The following CSMD3 variants were observed in gnomAD, a reference collection of about 807,000 sequenced individuals.
CSMD3 encodes CUB and Sushi multiple domains 3.
A neutral mutation model predicts 435.2 loss-of-function variants in CSMD3; 177 were observed. The ratio of observed to expected loss-of-function variants is 0.41; its 90% CI spans 0.36 to 0.46. The LOEUF (loss-of-function observed/expected upper bound fraction) is 0.46. Ranked by LOEUF, CSMD3 falls within the 20% of genes least tolerant of loss-of-function variation. CSMD3 has a pLI of 0.34. For missense variants in CSMD3, 4,265 were observed against 4,504.6 expected (o/e 0.95, Z 1.52); for synonymous variants, 1,656 against 1,520.5 (o/e 1.09, Z -2.07).
At chr8:112,781,583 C>T (rs1305964188) in intron 13 of CSMD3, among the ~76,000 whole-genome samples, 4 of 152,144 alleles carry the variant, frequency 2.6e-5, no homozygotes, top group Non-Finnish European at 2.9e-5. Flanking sequence ...GAATAAACAC[C>T]AGCAGTAGAC....
At chr8:112,755,909 GTTTTATTTTATTTTATTTTA>G (rs139913436) in intron 13 of CSMD3, among the ~76,000 whole-genome samples, 1 of 149,036 alleles carries the variant, frequency 6.7e-6, no homozygotes, top group African/African-American at 2.5e-5. Context: ...ATTTTATTTA[GTTTTATTTTATTTTATTTTA>G]TTTTATTTTA....
chr8:112,464,248 A>C (rs1004067259), intron 32 of CSMD3, among the ~76,000 whole-genome samples: 1 of 151,862 alleles, frequency 6.6e-6, no homozygotes, highest in Non-Finnish European at 1.5e-5. Context: ...AAAAAAAAAA[A>C]AAAAAAAAAT....
At chr8:112,693,727 A>C (rs2076190118) in intron 13 of CSMD3, among the ~76,000 whole-genome samples, 1 of 151,770 alleles carries the variant, frequency 6.6e-6, no homozygotes, top group South Asian at 2.1e-4. Flanking sequence ...TATTTCCTTT[A>C]AAATGTTGTT....
intron 27 of CSMD3, among the ~76,000 whole-genome samples, chr8:112,540,170 G>C (rs1586638185): frequency 6.6e-6 from 1 of 151,796 alleles, no homozygotes; most frequent in Non-Finnish European, 1.5e-5. Flanking sequence ...TGGCTACCAG[G>C]TAAATGAAAA....
At chr8:112,568,285 T>C (rs575334693) in intron 24 of CSMD3, among the ~76,000 whole-genome samples, 1 of 152,166 alleles carries the variant, frequency 6.6e-6, no homozygotes, top group African/African-American at 2.4e-5. Context: ...ACTGAACAGA[T>C]TTAATTTGCT....
At chr8:112,550,999 A>G (rs1827633237) in intron 26 of CSMD3, 126 bp from the exon 27 acceptor site, 1 of 702,440 alleles carries the variant, frequency 1.4e-6, no homozygotes, top group South Asian at 1.6e-5. Context: ...AAAATGAATT[A>G]CATAAACAGC....
chr8:112,393,936 T>C (rs1830654133), intron 35 of CSMD3, among the ~76,000 whole-genome samples: 1 of 151,884 alleles, frequency 6.6e-6, no homozygotes, highest in South Asian at 2.1e-4. Context: ...TCTTAGGCCA[T>C]ATTCTCTTTC....
At chr8:112,792,030 A>T (rs905507432) in intron 13 of CSMD3, among the ~76,000 whole-genome samples, 7 of 152,084 alleles carry the variant, frequency 4.6e-5, no homozygotes, top group African/African-American at 1.7e-4. Context: ...GAAGTGTTTC[A>T]TCAACTCTTT....
chr8:113,294,538 T>C (rs1003352180), intron 2 of CSMD3, among the ~76,000 whole-genome samples: 1 of 152,132 alleles, frequency 6.6e-6, no homozygotes, highest in African/African-American at 2.4e-5. Flanking sequence ...CAATTAGTTT[T>C]GCTAAATTTT....
intron 23 of CSMD3, among the ~76,000 whole-genome samples, chr8:112,580,553 A>AG (rs2131328057): frequency 6.7e-6 from 1 of 149,224 alleles, no homozygotes; most frequent in African/African-American, 2.4e-5. Flanking sequence ...AAAAAAAAAA[A>AG]GATACTGGGG....
intron 13 of CSMD3, among the ~76,000 whole-genome samples, chr8:112,772,971 A>C (rs1475187155): frequency 1.3e-5 from 2 of 151,960 alleles, no homozygotes; most frequent in Non-Finnish European, 2.9e-5. Context: ...ATGATCAATA[A>C]ATACTAAGGG....
At position 112,668,302 on chromosome 8, in the gene CSMD3, G is replaced by A. The variant is rs371132720; in HGVS notation, c.2678-1887C>T. Among the ~76,000 whole-genome samples the A allele has an allele frequency of 6.6e-5, 10 of 152,152 alleles. 1 individual carries two copies. The South Asian group carries it at 1.7e-3, about 25-fold the overall frequency. On this transcript the variant is annotated intron_variant, in intron 16 of 70. Transcript: ENST00000297405. ...TCACTTAAATTACCATATTTTACAA[G>A]ACAGAGCTAAGTATTTTAGTGACAG...
chr8:113,268,509 A>G (rs1310387108), intron 3 of CSMD3, among the ~76,000 whole-genome samples: 1 of 151,950 alleles, frequency 6.6e-6, no homozygotes, highest in African/African-American at 2.4e-5. Flanking sequence ...GCAACTAGAT[A>G]TTCATTAGAA....
chr8:113,153,138 G>GA (rs1564371027), intron 4 of CSMD3, among the ~76,000 whole-genome samples: 14 of 106,040 alleles, frequency 1.3e-4, no homozygotes, highest in African/African-American at 6.8e-4. Context: ...AAAGAAGGAA[G>GA]GAAGGAAGGA....
intron 1 of CSMD3, among the ~76,000 whole-genome samples, chr8:113,356,751 C>T (rs2094231783): frequency 6.6e-6 from 1 of 152,080 alleles, no homozygotes; most frequent in South Asian, 2.1e-4. Flanking sequence ...CACTTCCATT[C>T]AGAAAACTTC....
At chr8:112,777,387 G>A (rs1402646126) in intron 13 of CSMD3, among the ~76,000 whole-genome samples, 1 of 151,546 alleles carries the variant, frequency 6.6e-6, no homozygotes, top group African/African-American at 2.4e-5. Flanking sequence ...TCCTGTTTAG[G>A]ATGCCTATTT....
At chr8:112,866,532 T>A (rs572454032) in intron 10 of CSMD3, among the ~76,000 whole-genome samples, 2 of 152,280 alleles carry the variant, frequency 1.3e-5, no homozygotes, top group East Asian at 3.9e-4. Context: ...AAATAATGAA[T>A]CCGCTAGAAG....
chr8:112,268,014 C>A (rs116201965), intron 59 of CSMD3, among the ~76,000 whole-genome samples: 2 of 151,954 alleles, frequency 1.3e-5, no homozygotes, highest in African/African-American at 4.8e-5. Flanking sequence ...TAAAATTCAG[C>A]GATATCATTG....
chr8:112,899,680 C>G (rs1451752554), intron 10 of CSMD3, among the ~76,000 whole-genome samples: 1 of 143,782 alleles, frequency 7.0e-6, no homozygotes, highest in Non-Finnish European at 1.5e-5. Flanking sequence ...CACACACACA[C>G]ACACACACAC....
Sources: gnomAD v4.1 joint callset for allele counts (sites outside exome capture counted in the v4.1 genomes callset) on GRCh38, gnomAD v4.1.1 for gene constraint, MANE v1.5 for transcripts, NCBI Gene and HGNC (gene_info 2026-07-23, HGNC 2026-07-21) for gene names.